Variants in KCNIP4 observed in about 807,000 individuals in gnomAD.
KCNIP4 encodes the protein potassium voltage-gated channel interacting protein 4.
KCNIP4 carries 12 observed loss-of-function variants against 34.0 expected under a neutral mutation model. That is an observed-to-expected ratio of 0.35 (90% confidence interval 0.23 to 0.57). The LOEUF (loss-of-function observed/expected upper bound fraction) is 0.57, where lower values mean the gene tolerates loss of function less well. Ranked by LOEUF, KCNIP4 falls within the 20% of genes least tolerant of loss-of-function variation. The probability of loss-of-function intolerance (pLI) is 0.83; values close to 1 mark genes in which losing one functional copy is unlikely to be tolerated. For synonymous variants in KCNIP4, 124 were observed against 102.2 expected, an observed-to-expected ratio of 1.21 and a Z score of -1.29; for missense variants, 238 against 311.7, an observed-to-expected ratio of 0.76 and a Z score of 1.78.
chr4:21,057,140 T>C (rs1297053443), intron 1 of KCNIP4, among the ~76,000 whole-genome samples: 1 of 152,116 alleles, frequency 6.6e-6, no homozygotes, highest in Non-Finnish European at 1.5e-5. Context: ...GGAGTATCTA[T>C]GTGGGAACTA....
chr4:21,241,891 G>A (rs916598910), intron 1 of KCNIP4, among the ~76,000 whole-genome samples: 4 of 152,080 alleles, frequency 2.6e-5, no homozygotes, highest in Non-Finnish European at 4.4e-5. Context: ...TTGGCCGGGC[G>A]TGGTGGCTCA....
intron 1 of KCNIP4, among the ~76,000 whole-genome samples, chr4:21,880,092 C>T (rs972521278): frequency 3.3e-5 from 5 of 152,072 alleles, no homozygotes; most frequent in Non-Finnish European, 7.4e-5. Flanking sequence ...GTCTTATTAG[C>T]GGCGTGAGAA....
chr4:20,751,132 A>G (rs967074539), intron 4 of KCNIP4, among the ~76,000 whole-genome samples: 5 of 152,202 alleles, frequency 3.3e-5, no homozygotes, highest in African/African-American at 1.2e-4. Context: ...CAATTTCTCA[A>G]AATGACAGTG....
chr4:21,543,967 T>C (rs1737919738), intron 1 of KCNIP4, among the ~76,000 whole-genome samples: 1 of 152,158 alleles, frequency 6.6e-6, no homozygotes, highest in Non-Finnish European at 1.5e-5. Flanking sequence ...ATTTATTAAA[T>C]TGTTGTGACT....
chr4:21,764,006 T>C (rs1718230406), intron 1 of KCNIP4, among the ~76,000 whole-genome samples: 1 of 152,054 alleles, frequency 6.6e-6, no homozygotes, highest in African/African-American at 2.4e-5. Flanking sequence ...ATTAGATCAT[T>C]TGGTCTAAAT....
At chr4:21,261,569 T>A (rs992671534) in intron 1 of KCNIP4, among the ~76,000 whole-genome samples, 1 of 152,176 alleles carries the variant, frequency 6.6e-6, no homozygotes, top group African/African-American at 2.4e-5. Context: ...CTTAGCATTA[T>A]CCCAATTTGA....
intron 1 of KCNIP4, among the ~76,000 whole-genome samples, chr4:21,830,281 G>C (rs1722903166): frequency 6.6e-6 from 1 of 152,084 alleles, no homozygotes; most frequent in South Asian, 2.1e-4. Context: ...AATTCATCAG[G>C]AGAATATAAC....
At chr4:20,838,804 C>A (rs1719366909) in intron 3 of KCNIP4, among the ~76,000 whole-genome samples, 1 of 152,094 alleles carries the variant, frequency 6.6e-6, no homozygotes, top group Admixed American at 6.6e-5. Flanking sequence ...AAAATGGGAG[C>A]TTTCTTATAG....
At chr4:21,914,370 G>A (rs933880102) in intron 1 of KCNIP4, among the ~76,000 whole-genome samples, 8 of 152,090 alleles carry the variant, frequency 5.3e-5, no homozygotes, top group Non-Finnish European at 7.4e-5. Flanking sequence ...AGTGGACCAC[G>A]TTGTGAGATG....
At chr4:21,452,346 G>T (rs1263771352) in intron 1 of KCNIP4, among the ~76,000 whole-genome samples, 2 of 152,088 alleles carry the variant, frequency 1.3e-5, no homozygotes, top group Non-Finnish European at 2.9e-5. Context: ...CAAGAGAAAA[G>T]AATCTTGGAG....
At chr4:20,853,314 T>C (rs968468054) in intron 2 of KCNIP4, among the ~76,000 whole-genome samples, 19 of 131,914 alleles carry the variant, frequency 1.4e-4, no homozygotes, top group African/African-American at 4.3e-4. Context: ...TGGAACAGAA[T>C]AGATAATTTG....
At chr4:21,624,928 A>C (rs1205178659) in intron 1 of KCNIP4, among the ~76,000 whole-genome samples, 2 of 152,090 alleles carry the variant, frequency 1.3e-5, no homozygotes, top group Non-Finnish European at 1.5e-5. Context: ...CTAGCTCCAA[A>C]GTTACCTAAT....
chr4:21,602,381 A>G (rs1743255262), intron 1 of KCNIP4, among the ~76,000 whole-genome samples: 1 of 152,142 alleles, frequency 6.6e-6, no homozygotes, highest in African/African-American at 2.4e-5. Flanking sequence ...CTCCAGGGGC[A>G]GTAGATACTC....
intron 1 of KCNIP4, among the ~76,000 whole-genome samples, chr4:21,257,143 A>G (rs1257047181): frequency 6.6e-6 from 1 of 152,162 alleles, no homozygotes; most frequent in Non-Finnish European, 1.5e-5. Flanking sequence ...GAGCACTTTC[A>G]TTGACAGTGT....
intron 1 of KCNIP4, among the ~76,000 whole-genome samples, chr4:20,912,660 A>C (rs1382173964): frequency 1.1e-4 from 17 of 152,204 alleles, no homozygotes; most frequent in Admixed American, 1.0e-3. Context: ...TATCCAAAAT[A>C]CATAGAAAAC....
intron 1 of KCNIP4, among the ~76,000 whole-genome samples, chr4:21,597,218 G>T (rs193072921): frequency 7.2e-5 from 11 of 152,104 alleles, no homozygotes; most frequent in African/African-American, 2.2e-4. Context: ...TTTTGTGGTA[G>T]TGAATAAGTC....
intron 1 of KCNIP4, among the ~76,000 whole-genome samples, chr4:21,734,167 GA>G (rs772110214): frequency 5.3e-5 from 8 of 152,114 alleles, no homozygotes; most frequent in Non-Finnish European, 8.8e-5. Context: ...AAAGAAACTT[GA>G]CATGTAAACA....
At chr4:21,835,561 T>A (rs994164026) in intron 1 of KCNIP4, among the ~76,000 whole-genome samples, 1 of 146,122 alleles carries the variant, frequency 6.8e-6, no homozygotes, top group Non-Finnish European at 1.5e-5. Context: ...AGAAAAGTTT[T>A]TCCAAATGTT....
chr4:21,200,932 G>T (rs1434452416), intron 1 of KCNIP4, among the ~76,000 whole-genome samples: 2 of 152,086 alleles, frequency 1.3e-5, no homozygotes, highest in Non-Finnish European at 2.9e-5. Flanking sequence ...GGCAAGAGAT[G>T]CCACTTCCTC....
Sources: allele counts gnomAD v4.1 joint callset (sites outside exome capture counted in the v4.1 genomes callset), GRCh38; gene constraint gnomAD v4.1.1; transcripts MANE v1.5; gene names NCBI Gene and HGNC (gene_info 2026-07-23, HGNC 2026-07-21).